NRG1: variants seen among roughly 807,000 people sequenced by gnomAD.
The protein encoded by NRG1 is neuregulin 1.
Under a neutral mutation model 63.8 loss-of-function variants are expected in NRG1, and 18 were observed. The observed-to-expected ratio is 0.28, with a 90% CI of 0.19 to 0.42. The LOEUF is 0.42. Among genes scored for constraint, NRG1 ranks in the 10% least tolerant of loss-of-function variants. The pLI, the probability that NRG1 is intolerant of heterozygous loss-of-function variation, is 1.00. For synonymous variants in NRG1, 302 were observed against 301.3 expected (o/e 1.00, Z -0.02); for missense variants, 762 against 814.7 (o/e 0.94, Z 0.79).
chr8:32,638,800 G>A (rs946813009), intron 5 of NRG1, among the ~76,000 whole-genome samples: 1 of 152,004 alleles, frequency 6.6e-6, no homozygotes, highest in African/African-American at 2.4e-5. Flanking sequence ...AACAGAAAAG[G>A]TTTCCACCCC....
intron 1 of NRG1, among the ~76,000 whole-genome samples, chr8:32,016,523 C>T (rs1011476675): frequency 1.3e-5 from 2 of 152,080 alleles, no homozygotes; most frequent in African/African-American, 4.8e-5. Context: ...CAAAAAATTA[C>T]AAGAGATTGC....
rs77388236 is a variant in NRG1, at chr8:31,915,558, A to G, written c.37+276127A>G. On this transcript the variant is annotated intron_variant, in intron 1 of 10. Transcript: ENST00000519301. ...TGAACTTGTAGTGCCCTAAATATTA[A>G]TAGCTGTGAACCAGTTTAGTTTAAT... 9.2e-5 allele frequency among the ~76,000 whole-genome samples: 14 copies of G among 152,248 alleles called. No individual in the cohort carries two copies. The East Asian group carries it at 2.7e-3, about 29-fold the overall frequency.
At chr8:32,044,126 C>T (rs925188367) in intron 1 of NRG1, among the ~76,000 whole-genome samples, 12 of 151,766 alleles carry the variant, frequency 7.9e-5, no homozygotes, top group Admixed American at 4.6e-4. Context: ...ACCATGCAAA[C>T]ATTAAATAAA....
intron 1 of NRG1, among the ~76,000 whole-genome samples, chr8:32,378,865 C>T (rs7840806): frequency 0.23 from 33,994 of 149,930 alleles, 4,398 homozygotes; most frequent in Middle Eastern, 0.36. Context: ...TGAGAAAATG[C>T]GGTGTTTGGC....
rs559772163 is a variant in NRG1, at chr8:31,799,220, T to C, written c.37+159789T>C. 2.1e-4 allele frequency among the ~76,000 whole-genome samples: 32 copies of C among 152,208 alleles called. No homozygotes were observed. The South Asian group carries it at 6.0e-3, about 29-fold the overall frequency. On this transcript the variant is annotated intron_variant, in intron 1 of 10. Coordinates refer to the NRG1 transcript ENST00000519301. ...CTTTTTATTCAATAGTGTCCATGTA[T>C]CTCTAAACTTTTGATAGAAATTTGT...
intron 1 of NRG1, among the ~76,000 whole-genome samples, chr8:32,096,037 A>G (rs996222891): frequency 6.6e-5 from 10 of 152,330 alleles, no homozygotes; most frequent in African/African-American, 1.9e-4. Flanking sequence ...ACAGTATTTC[A>G]GGCAGAGGGA....
intron 1 of NRG1, among the ~76,000 whole-genome samples, chr8:32,390,711 A>G (rs1053154480): frequency 6.6e-6 from 1 of 152,012 alleles, no homozygotes; most frequent in East Asian, 1.9e-4. Context: ...CACGTCCTCC[A>G]TCACTGTACT....
At chr8:32,344,602 A>ATTTTTTTTTTTTTTTTT (rs61448713) in intron 1 of NRG1, among the ~76,000 whole-genome samples, 11 of 101,164 alleles carry the variant, frequency 1.1e-4, no homozygotes, top group Non-Finnish European at 1.3e-4. Context: ...ACACTCAGCT[A>ATTTTTTTTTTTTTTTTT]TTTTTTTTTT....
intron 1 of NRG1, among the ~76,000 whole-genome samples, chr8:32,508,364 C>G (rs1006820657): frequency 6.6e-6 from 1 of 151,284 alleles, no homozygotes; most frequent in Non-Finnish European, 1.5e-5. Context: ...GATCGCTGCT[C>G]ACTGCAACCT....
At chr8:32,033,554 A>G (rs1818599366) in intron 1 of NRG1, among the ~76,000 whole-genome samples, 1 of 152,256 alleles carries the variant, frequency 6.6e-6, no homozygotes, top group Non-Finnish European at 1.5e-5. Context: ...GGCTATTTTC[A>G]CAGTATTGAT....
At chr8:31,915,544 T>C (rs563815776) in intron 1 of NRG1, among the ~76,000 whole-genome samples, 31 of 152,292 alleles carry the variant, frequency 2.0e-4, no homozygotes, top group African/African-American at 7.5e-4. Flanking sequence ...GAACTTGTAG[T>C]GCCCTAAATA....
chr8:32,085,183 G>A (rs752244869), intron 1 of NRG1, among the ~76,000 whole-genome samples: 4 of 152,110 alleles, frequency 2.6e-5, no homozygotes, highest in Admixed American at 1.3e-4. Context: ...ATATCCACTC[G>A]CCCATAGGAT....
At chr8:32,455,074 T>C (rs1156371674) in intron 1 of NRG1, among the ~76,000 whole-genome samples, 2 of 152,332 alleles carry the variant, frequency 1.3e-5, no homozygotes, top group South Asian at 2.1e-4. Flanking sequence ...CCATCTTGGT[T>C]CGTGTAAGGA....
At chr8:31,848,263 T>C (rs1826875912) in intron 1 of NRG1, among the ~76,000 whole-genome samples, 1 of 152,324 alleles carries the variant, frequency 6.6e-6, no homozygotes, top group Non-Finnish European at 1.5e-5. Context: ...TTCGAAATTA[T>C]ATAACTAGAT....
At chr8:32,251,355 G>C (rs1261685538) in intron 1 of NRG1, among the ~76,000 whole-genome samples, 1 of 150,064 alleles carries the variant, frequency 6.7e-6, no homozygotes, top group African/African-American at 2.5e-5. Flanking sequence ...ATAGCTTTCA[G>C]CTTCATCCAT....
rs1812390819 is a variant in NRG1 at position 31,716,784 on chromosome 8, G to A, written c.37+77353G>A. ...AATCTTTAGGGTAAAGTCTTGGAGA[G>A]TGGCAAGTTTAATCAAACAGTAACG... On this transcript the variant is annotated intron_variant, in intron 1 of 10. Transcript: ENST00000519301. 2.0e-5 allele frequency among the ~76,000 whole-genome samples: 3 copies of A among 152,266 alleles called. No homozygotes were observed. In the South Asian group the frequency reaches 6.2e-4, roughly 32 times the overall value.
chr8:31,969,945 CTG>C (rs1239430005), intron 1 of NRG1, among the ~76,000 whole-genome samples: 2 of 152,056 alleles, frequency 1.3e-5, no homozygotes, highest in Non-Finnish European at 2.9e-5. Context: ...GGCAGGTAAA[CTG>C]ATATTTTCTA....
chr8:32,668,449 G>GC (rs1420833021), intron 5 of NRG1, among the ~76,000 whole-genome samples: 3 of 152,098 alleles, frequency 2.0e-5, no homozygotes, highest in Non-Finnish European at 4.4e-5. Flanking sequence ...GGTTGTGGTG[G>GC]CCCTCTTGGC....
chr8:32,430,527 A>T (rs753481386), intron 1 of NRG1, among the ~76,000 whole-genome samples: 1 of 152,180 alleles, frequency 6.6e-6, no homozygotes, highest in Admixed American at 6.5e-5. Flanking sequence ...TATCAAAGCA[A>T]TTCCATTCAG....
Sources: gnomAD v4.1 joint callset for allele counts (sites outside exome capture counted in the v4.1 genomes callset) on GRCh38, gnomAD v4.1.1 for gene constraint, MANE v1.5 for transcripts, NCBI Gene and HGNC (gene_info 2026-07-23, HGNC 2026-07-21) for gene names.